Variants in GTF2I observed in about 807,000 individuals in gnomAD.
The protein encoded by GTF2I is general transcription factor IIi.
In GTF2I, 12 loss-of-function variants were observed where a neutral mutation model predicts 67.6. The observed-to-expected ratio is 0.18, with a 90% CI of 0.11 to 0.29. The LOEUF is 0.29. Ranked by LOEUF, GTF2I falls within the 10% of genes least tolerant of loss-of-function variation. The pLI is 1.00. For synonymous variants in GTF2I, 149 were observed against 197.0 expected (o/e 0.76, Z 2.04); for missense variants, 271 against 580.1 (o/e 0.47, Z 5.47).
At chr7:74,672,312 G>A (rs1554390952) in intron 1 of GTF2I, among the ~76,000 whole-genome samples, 1 of 152,114 alleles carries the variant, frequency 6.6e-6, no homozygotes, top group African/African-American at 2.4e-5. Context: ...GCTGAGGCGT[G>A]CAGATATTGC....
At chr7:74,723,293 T>C (rs1793289755) in intron 12 of GTF2I, among the ~76,000 whole-genome samples, 1 of 151,332 alleles carries the variant, frequency 6.6e-6, no homozygotes, top group East Asian at 1.9e-4. Flanking sequence ...GCCTGGCTAA[T>C]TTTTTTTGTA....
At chr7:74,708,443 G>A (rs1453050218) in intron 8 of GTF2I, among the ~76,000 whole-genome samples, 1 of 152,130 alleles carries the variant, frequency 6.6e-6, no homozygotes, top group Non-Finnish European at 1.5e-5. Flanking sequence ...TCTGACTTCT[G>A]AGGTGGGGTA....
intron 1 of GTF2I, among the ~76,000 whole-genome samples, chr7:74,665,468 T>G (rs1348458848): frequency 6.6e-6 from 1 of 151,846 alleles, no homozygotes; most frequent in African/African-American, 2.4e-5. Context: ...GCCAGGCTGG[T>G]CTCCAACTCT....
At chr7:74,723,430 T>C (rs1356144129) in intron 12 of GTF2I, among the ~76,000 whole-genome samples, 1 of 111,950 alleles carries the variant, frequency 8.9e-6, no homozygotes, top group African/African-American at 3.7e-5. Flanking sequence ...CCCGGCCTCT[T>C]TTTTTTTTTT....
intron 9 of GTF2I, 41 bp downstream of exon 9, chr7:74,711,150 C>T (rs185170277): frequency 5.1e-5 from 45 of 875,564 alleles, no homozygotes; most frequent in Non-Finnish European, 7.4e-5. Context: ...AAAAATTATT[C>T]GTGGTTAAAA....
chr7:74,703,602 A>G (rs1790137802), intron 6 of GTF2I, among the ~76,000 whole-genome samples: 1 of 151,832 alleles, frequency 6.6e-6, no homozygotes, highest in Non-Finnish European at 1.5e-5. Flanking sequence ...CTGGTCTCAA[A>G]CTCCAGACCT....
intron 9 of GTF2I, among the ~76,000 whole-genome samples, chr7:74,714,532 C>T (rs1317828631): frequency 6.6e-6 from 1 of 152,022 alleles, no homozygotes; most frequent in Non-Finnish European, 1.5e-5. Flanking sequence ...GTAAAAGTTA[C>T]AGTTTACTGT....
At chr7:74,710,465 A>T (rs1791393007) in intron 8 of GTF2I, among the ~76,000 whole-genome samples, 1 of 152,174 alleles carries the variant, frequency 6.6e-6, no homozygotes, top group South Asian at 2.1e-4. Flanking sequence ...TATGAGTGGA[A>T]TTACACAACA....
intron 1 of GTF2I, among the ~76,000 whole-genome samples, chr7:74,658,806 T>G (rs1317377159): frequency 6.6e-6 from 1 of 151,838 alleles, no homozygotes; most frequent in Non-Finnish European, 1.5e-5. Context: ...AACTTCAGCT[T>G]TAGGCCATGA....
intron 3 of GTF2I, among the ~76,000 whole-genome samples, chr7:74,697,327 G>A (rs1348181054): frequency 1.3e-5 from 2 of 152,040 alleles, no homozygotes; most frequent in African/African-American, 4.8e-5. Context: ...CCTGGGAGGT[G>A]GAGATTGCAG....
intron 1 of GTF2I, chr7:74,684,712 T>G (rs587662119): frequency 1.3e-5 from 2 of 152,342 alleles, no homozygotes; most frequent in East Asian, 3.9e-4. Flanking sequence ...TGGGGTGCTT[T>G]CCATCCTGCA....
At chr7:74,694,724 C>T (rs76262098) in intron 3 of GTF2I, among the ~76,000 whole-genome samples, 2 of 152,260 alleles carry the variant, frequency 1.3e-5, no homozygotes, top group South Asian at 2.1e-4. Flanking sequence ...TCACAAAACC[C>T]GATTTTCAAC....
intron 9 of GTF2I, among the ~76,000 whole-genome samples, chr7:74,711,676 A>C (rs1332030252): frequency 6.6e-6 from 1 of 152,228 alleles, no homozygotes; most frequent in Non-Finnish European, 1.5e-5. Flanking sequence ...TGAATGAAAT[A>C]ATAAAATGTG....
In GTF2I at chr7:74,706,437, T is replaced by G; in HGVS notation, c.685+4T>G. The G allele has an allele frequency of 6.2e-7, 1 of 1,600,986 alleles. No individual in the cohort carries two copies. Among genetic ancestry groups the G allele is most frequent in the Non-Finnish European group, 8.6e-7 (1 of 1,168,080 alleles). ...ACTGAACCCACAGAAGATTCTGGTATGTACTAGCACTTTTAGAATCAATGG... is the reference window on the plus strand; with the variant it reads ...ACTGAACCCACAGAAGATTCTGGTAGGTACTAGCACTTTTAGAATCAATGG... On this transcript the variant is annotated splice_donor_region_variant and intron_variant, in intron 8 of 34. Coordinates refer to ENST00000573035, the MANE Select transcript of GTF2I (RefSeq NM_032999.4).
In GTF2I at chr7:74,689,176, C is replaced by T. The variant is rs782588651; in HGVS notation, c.48C>T (p.Ser16=). 2 of 1,612,936 alleles carry T rather than the reference C, an allele frequency of 1.2e-6. No homozygotes were observed. Among genetic ancestry groups the T allele is most frequent in the Non-Finnish European group, 1.7e-6 (2 of 1,179,242 alleles). The change falls in exon 2 of 35, where the codon TCC becomes TCT. Residue 16 remains serine (S), a synonymous_variant. Coordinates refer to ENST00000573035, the MANE Select transcript of GTF2I (RefSeq NM_032999.4). ...CCCTCCCCGTTGAAGATGAGGAGTC[C>T]TCGGAGAGCAGGATGGTGGTGACAT... is the stretch of plus-strand genomic sequence containing the variant. The part of the protein sequence containing the change: ...MSTLPVEDEE[S]SESRMVVTFL...
intron 23 of GTF2I, among the ~76,000 whole-genome samples, chr7:74,747,792 CAAA>C (rs4028287): frequency 5.7e-5 from 2 of 35,330 alleles, no homozygotes; most frequent in African/African-American, 1.9e-4. Context: ...AACTTTGTCT[CAAA>C]AAAAAAAAAA....
chr7:74,714,798 C>T, intron 9 of GTF2I, 59 bp from the exon 10 acceptor site: 1 of 1,151,536 alleles, frequency 8.7e-7, no homozygotes. Flanking sequence ...TGACTAAAGT[C>T]ACCCCACATT....
chr7:74,720,177 C>T (rs1343187971), intron 12 of GTF2I, among the ~76,000 whole-genome samples: 1 of 152,186 alleles, frequency 6.6e-6, no homozygotes, highest in Non-Finnish European at 1.5e-5. Context: ...CATTACAATG[C>T]ACATTTTAAA....
At chr7:74,702,081 A>G (rs1227972156) in intron 6 of GTF2I, among the ~76,000 whole-genome samples, 1 of 152,126 alleles carries the variant, frequency 6.6e-6, no homozygotes, top group Non-Finnish European at 1.5e-5. Context: ...GTTTATAGAT[A>G]TTTTGGTTGT....
Sources: gnomAD v4.1 joint callset for allele counts (sites outside exome capture counted in the v4.1 genomes callset) on GRCh38, gnomAD v4.1.1 for gene constraint, MANE v1.5 for transcripts, NCBI Gene and HGNC (gene_info 2026-07-23, HGNC 2026-07-21) for gene names.